DYNC1I1: variants seen among roughly 807,000 people sequenced by gnomAD.
DYNC1I1 encodes cytoplasmic dynein 1 intermediate chain 1.
DYNC1I1 carries 43 observed loss-of-function variants against 86.6 expected under a neutral mutation model. The observed-to-expected ratio is 0.50, with a 90% confidence interval of 0.39 to 0.64. The LOEUF (loss-of-function observed/expected upper bound fraction) is 0.64. Ranked by LOEUF, DYNC1I1 falls within the 30% of genes least tolerant of loss-of-function variation. The pLI is 0.00. For missense variants in DYNC1I1, 604 were observed against 788.8 expected (o/e 0.77, Z 2.81); for synonymous variants, 262 against 283.7 (o/e 0.92, Z 0.77).
intron 6 of DYNC1I1, among the ~76,000 whole-genome samples, chr7:95,950,822 C>T (rs1320965595): frequency 1.3e-5 from 2 of 152,148 alleles, no homozygotes; most frequent in African/African-American, 2.4e-5. Context: ...AAATACCCAA[C>T]AATAAAGATC....
At chr7:96,086,186 T>G (rs1051730467) in intron 16 of DYNC1I1, among the ~76,000 whole-genome samples, 8 of 152,226 alleles carry the variant, frequency 5.3e-5, no homozygotes, top group African/African-American at 1.7e-4. Flanking sequence ...GTCACACAGA[T>G]GCAGCTGTCA....
At chr7:95,795,832 C>T (rs1794421726) in intron 1 of DYNC1I1, among the ~76,000 whole-genome samples, 1 of 151,380 alleles carries the variant, frequency 6.6e-6, no homozygotes, top group Non-Finnish European at 1.5e-5. Flanking sequence ...AAAACAAGCC[C>T]CCATGTCACA....
chr7:95,988,498 G>A (rs1328460501), intron 9 of DYNC1I1, among the ~76,000 whole-genome samples: 1 of 152,218 alleles, frequency 6.6e-6, no homozygotes, highest in Non-Finnish European at 1.5e-5. Context: ...TTTGCTGAAT[G>A]GCCAACTCAA....
chr7:96,018,704 A>G (rs1382996474), intron 10 of DYNC1I1, among the ~76,000 whole-genome samples: 1 of 152,166 alleles, frequency 6.6e-6, no homozygotes, highest in African/African-American at 2.4e-5. Flanking sequence ...TGGGGAGGAG[A>G]AACAAGGAGA....
chr7:95,994,142 A>T (rs145352010), intron 9 of DYNC1I1, among the ~76,000 whole-genome samples: 69 of 152,262 alleles, frequency 4.5e-4, no homozygotes, highest in African/African-American at 1.5e-3. Flanking sequence ...GCATTGTTTG[A>T]CAACAAAGGA....
At chr7:96,038,072 T>G (rs1371074752) in intron 13 of DYNC1I1, among the ~76,000 whole-genome samples, 1 of 152,106 alleles carries the variant, frequency 6.6e-6, no homozygotes, top group Non-Finnish European at 1.5e-5. Context: ...GTTCCTCGGG[T>G]TCATTAGAAC....
intron 5 of DYNC1I1, among the ~76,000 whole-genome samples, chr7:95,835,861 T>C (rs1014951840): frequency 7.2e-5 from 11 of 152,164 alleles, no homozygotes; most frequent in Non-Finnish European, 1.6e-4. Flanking sequence ...TGAGCCTATG[T>C]GTGTCTCTGC....
rs1305451544 is a variant in DYNC1I1, at chr7:95,966,450, T to C, written c.491-11062T>C. 2.0e-5 allele frequency among the ~76,000 whole-genome samples: 3 copies of C among 152,180 alleles called. No homozygotes were observed. In the South Asian group the frequency reaches 6.2e-4, roughly 32 times the overall value. ...CACCAAAGAATAATAGAGGGCCTGT[T>C]ATCCCAAGAAGTGGGGTGGTGGTTC... On this transcript the variant is annotated intron_variant, in intron 6 of 16. Coordinates refer to ENST00000447467, the MANE Select transcript of DYNC1I1 (RefSeq NM_001135556.2).
intron 6 of DYNC1I1, among the ~76,000 whole-genome samples, chr7:95,970,722 T>C (rs1793144904): frequency 6.6e-6 from 1 of 152,206 alleles, no homozygotes; most frequent in South Asian, 2.1e-4. Context: ...CCAGTCTCTG[T>C]ACTTAACGTT....
At position 95,864,271 on chromosome 7, in the gene DYNC1I1, T is replaced by G. The variant is rs556238310; in HGVS notation, c.375-5612T>G. Among the ~76,000 whole-genome samples, 4 of 152,294 alleles carry G rather than the reference T, an allele frequency of 2.6e-5. 1 individual carries two copies. The highest frequency in any genetic ancestry group is 7.2e-5 in the African/African-American group (3 of 41,560). On this transcript the variant is annotated intron_variant, in intron 5 of 16. Coordinates refer to ENST00000447467, the MANE Select transcript of DYNC1I1 (RefSeq NM_001135556.2). The stretch of plus-strand genomic sequence containing the variant: ...TCATACAATGGAGTAGTTTTCTTCT[T>G]GTGATTCATAATGTCCAATCAAGGA...
intron 5 of DYNC1I1, among the ~76,000 whole-genome samples, chr7:95,832,412 A>G (rs1788934721): frequency 6.6e-6 from 1 of 151,898 alleles, no homozygotes; most frequent in Admixed American, 6.6e-5. Context: ...TATTGTGAAT[A>G]GTGCCGCAAT....
rs533685174 is a variant in DYNC1I1 at position 95,977,501 on chromosome 7, C to CT, written c.491-5dup. 1.4e-4 allele frequency: 229 copies of CT among 1,609,250 alleles called. No individual in the cohort carries two copies. In the African/African-American group the frequency reaches 2.7e-3, roughly 19 times the overall value. On this transcript the variant is annotated splice_polypyrimidine_tract_variant and intron_variant, in intron 6 of 16. Transcript: ENST00000447467. Reference sequence around the variant, plus strand: ...AAGAAAATATTGTATTTTTCTCTTTCTTTTTTCTAGAGGATGAGGAAGATG... The same window carrying CT: ...AAGAAAATATTGTATTTTTCTCTTTCTTTTTTTCTAGAGGATGAGGAAGATG...
chr7:95,857,024 C>T (rs574373157), intron 5 of DYNC1I1, among the ~76,000 whole-genome samples: 1 of 152,216 alleles, frequency 6.6e-6, no homozygotes, highest in Non-Finnish European at 1.5e-5. Flanking sequence ...CCATCTCAAC[C>T]ATAGCCTTGT....
chr7:95,796,535 AG>A (rs754828848), intron 1 of DYNC1I1, among the ~76,000 whole-genome samples: 1 of 152,132 alleles, frequency 6.6e-6, no homozygotes, highest in Non-Finnish European at 1.5e-5. Flanking sequence ...TGCTGTATCT[AG>A]AAGTCTTACT....
chr7:95,812,326 T>A (rs1794848821), intron 3 of DYNC1I1, among the ~76,000 whole-genome samples: 1 of 152,218 alleles, frequency 6.6e-6, no homozygotes, highest in African/African-American at 2.4e-5. Context: ...TTGAATTGCC[T>A]GGCCTGGAGC....
chr7:95,819,255 G>A (rs1795019918), intron 4 of DYNC1I1, among the ~76,000 whole-genome samples: 1 of 152,106 alleles, frequency 6.6e-6, no homozygotes, highest in South Asian at 2.1e-4. Flanking sequence ...TTACTATTCA[G>A]TTTCTTATTG....
intron 14 of DYNC1I1, among the ~76,000 whole-genome samples, chr7:96,067,827 G>A (rs561368032): frequency 6.6e-6 from 1 of 152,168 alleles, no homozygotes; most frequent in South Asian, 2.1e-4. Context: ...TATTAAACGA[G>A]TTGCCTTCCC....
chr7:95,986,845 G>A (rs201198868), intron 8 of DYNC1I1, among the ~76,000 whole-genome samples: 27 of 151,910 alleles, frequency 1.8e-4, no homozygotes, highest in East Asian at 3.9e-4. Context: ...GTCTTGGAAC[G>A]ACATGGAAAC....
intron 10 of DYNC1I1, among the ~76,000 whole-genome samples, chr7:96,005,629 AG>A (rs1390436048): frequency 6.6e-6 from 1 of 152,190 alleles, no homozygotes; most frequent in African/African-American, 2.4e-5. Context: ...CTCCTGGAAA[AG>A]AACTGCTGTA....
Sources: gnomAD v4.1 joint callset for allele counts (sites outside exome capture counted in the v4.1 genomes callset) on GRCh38, gnomAD v4.1.1 for gene constraint, MANE v1.5 for transcripts, NCBI Gene and HGNC (gene_info 2026-07-23, HGNC 2026-07-21) for gene names.